ERCC6L: variants seen among roughly 807,000 people sequenced by gnomAD.
ERCC6L encodes the protein ERCC excision repair 6 like, spindle assembly checkpoint helicase.
Under a neutral mutation model 20.1 loss-of-function variants are expected in ERCC6L, and 7 were observed. The observed-to-expected ratio is 0.35, with a 90% CI of 0.20 to 0.65. The LOEUF is 0.65. Ranked by LOEUF, ERCC6L falls within the 30% of genes least tolerant of loss-of-function variation. The probability of loss-of-function intolerance (pLI) is 0.69; values close to 1 mark genes in which losing one functional copy is unlikely to be tolerated. For missense variants in ERCC6L, 592 were observed against 892.4 expected, an observed-to-expected ratio of 0.66 and a Z score of 4.29; for synonymous variants, 278 against 331.3, an observed-to-expected ratio of 0.84 and a Z score of 1.75.
At chrX:72,231,236 T>C (rs1301215351) in intron 1 of ERCC6L, among the ~76,000 whole-genome samples, 1 of 112,171 alleles carries the variant, frequency 8.9e-6, no homozygotes, top group Non-Finnish European at 1.9e-5. Context: ...GAAAAATTAT[T>C]CAGCCGTTAA....
intron 1 of ERCC6L, 119 bp from the exon 2 acceptor site, chrX:72,208,817 A>G (rs1035050325): frequency 2.2e-4 from 125 of 579,902 alleles, no homozygotes; most frequent in Non-Finnish European, 3.3e-4. Context: ...TCAATTCAGG[A>G]TGGGAAAGAT....
chrX:72,233,178 C>T (rs1222052034), intron 1 of ERCC6L, among the ~76,000 whole-genome samples: 1 of 111,505 alleles, frequency 9.0e-6, no homozygotes, highest in African/African-American at 3.3e-5. Flanking sequence ...TGATATGACA[C>T]AATATAGCTA....
intron 1 of ERCC6L, among the ~76,000 whole-genome samples, chrX:72,223,939 G>A (rs1036072910): frequency 9.0e-6 from 1 of 110,918 alleles, no homozygotes; most frequent in African/African-American, 3.3e-5. Context: ...TGGGGACACT[G>A]GAAAATGGAC....
At chrX:72,222,595 C>CTTT (rs758259884) in intron 1 of ERCC6L, among the ~76,000 whole-genome samples, 2 of 85,054 alleles carry the variant, frequency 2.4e-5, no homozygotes, top group African/African-American at 4.6e-5. Context: ...AGAATCCAGC[C>CTTT]TTTTTTTTTT....
chrX:72,214,681 A>C (rs1383979902), intron 1 of ERCC6L, among the ~76,000 whole-genome samples: 2 of 100,382 alleles, frequency 2.0e-5, no homozygotes, highest in Admixed American at 2.2e-4. Flanking sequence ...TCAAAAAAAA[A>C]AAAAAAAACA....
intron 1 of ERCC6L, among the ~76,000 whole-genome samples, chrX:72,232,950 A>C (rs1029687193): frequency 2.3e-4 from 26 of 110,749 alleles, no homozygotes; most frequent in African/African-American, 8.2e-4. Flanking sequence ...AAAAAAAAAA[A>C]CTGATTTGAG....
At chrX:72,221,891 C>T (rs749775297) in intron 1 of ERCC6L, among the ~76,000 whole-genome samples, 7 of 109,984 alleles carry the variant, frequency 6.4e-5, no homozygotes, top group South Asian at 3.9e-4. Flanking sequence ...GATCCCTTCC[C>T]GCGAAAACCC....
Position 72,208,086 on chromosome X carries a change from G to A in ERCC6L, c.681C>T (p.Leu227=). ...GQEFVWDYVI[L]DEAHKIKTSS... ...AGGTTTTTATTTTATGTGCTTCATC[G>A]AGGATGACATAGTCCCACACAAACT... The change falls in exon 2 of 2, where the codon CTC becomes CTT. Residue 227 remains leucine, a synonymous_variant. Coordinates refer to ENST00000334463, the MANE Select transcript of ERCC6L (RefSeq NM_017669.4). 2 of 1,211,412 alleles carry A rather than the reference G, an allele frequency of 1.7e-6. No homozygotes were observed. The highest frequency in any genetic ancestry group is 2.2e-6 in the Non-Finnish European group (2 of 895,429).
Position 72,216,334 on chromosome X carries a change from A to C in ERCC6L, c.69-7636T>G, listed in dbSNP as rs73550765. On this transcript the variant is annotated intron_variant, in intron 1 of 1. Coordinates refer to ENST00000334463, the MANE Select transcript of ERCC6L (RefSeq NM_017669.4). The stretch of plus-strand genomic sequence containing the variant: ...AGAGGCTTGGAACAGATTATTTCTC[A>C]GTCTCCAAAAAGAAACCAACCCTGC... Among the ~76,000 whole-genome samples the C allele has an allele frequency of 2.7e-3, 296 of 111,696 alleles. 1 individual carries two copies. The highest frequency in any genetic ancestry group is 9.2e-3 in the African/African-American group (282 of 30,746).
chrX:72,229,920 C>T (rs1031112000), intron 1 of ERCC6L, among the ~76,000 whole-genome samples: 2 of 111,665 alleles, frequency 1.8e-5, no homozygotes, highest in Non-Finnish European at 3.8e-5. Flanking sequence ...TGGCCAGGCA[C>T]GGTGGCTCAC....
chrX:72,215,616 A>G (rs2042883439), intron 1 of ERCC6L, among the ~76,000 whole-genome samples: 1 of 111,638 alleles, frequency 9.0e-6, no homozygotes, highest in Admixed American at 9.6e-5. Context: ...TGCTTTGCCA[A>G]TAGACTGCTG....
At chrX:72,228,680 G>T (rs761900283) in intron 1 of ERCC6L, among the ~76,000 whole-genome samples, 1 of 111,045 alleles carries the variant, frequency 9.0e-6, no homozygotes, top group South Asian at 3.9e-4. Context: ...CTGTTCTATG[G>T]GACCTATGGC....
rs764742655 is a variant in ERCC6L, at chrX:72,205,618, A to T, written c.3149T>A (p.Leu1050His). 8 of 1,210,247 alleles carry T rather than the reference A, an allele frequency of 6.6e-6. No individual in the cohort carries two copies. Among genetic ancestry groups the T allele is most frequent in the Non-Finnish European group, 8.9e-6 (8 of 895,031 alleles). Residue 1050 changes from leucine (L) to histidine (H), a missense_variant, in exon 2 of 2, where the codon CTC becomes CAC. This residue lies in a region of ERCC6L where 352 missense variants were observed against 402.6 expected (regional missense o/e 0.87). Coordinates refer to ENST00000334463, the MANE Select transcript of ERCC6L (RefSeq NM_017669.4). The part of the protein sequence containing the change: ...TSSINPFNTS[L>H]FQFSSVKQFD... ...TTGTTTCACAGATGAGAATTGAAAG[A>T]GAGATGTGTTGAATGGATTTATGCT...
intron 1 of ERCC6L, among the ~76,000 whole-genome samples, chrX:72,228,687 T>C (rs1312149483): frequency 9.0e-6 from 1 of 111,574 alleles, no homozygotes; most frequent in African/African-American, 3.3e-5. Flanking sequence ...ATGGGACCTA[T>C]GGCTTCAAGG....
At chrX:72,237,325 T>G (rs1010626284) in intron 1 of ERCC6L, among the ~76,000 whole-genome samples, 1 of 111,259 alleles carries the variant, frequency 9.0e-6, no homozygotes, top group Non-Finnish European at 1.9e-5. Context: ...GGCGAGACCC[T>G]GTCTCTACTA....
chrX:72,205,906 T>A lies in ERCC6L; in HGVS notation c.2861A>T (p.Asn954Ile). The change falls in exon 2 of 2, where the codon AAT becomes ATT. Residue 954 changes from asparagine (N) to isoleucine (I), a missense_variant. Physicochemically the swap from Asn to Ile is moderately radical, Grantham distance 149. Around this residue, in one of 3 missense-constraint regions of ERCC6L, gnomAD observed 352 missense variants for 402.6 expected, o/e 0.87. Transcript: ENST00000334463. ...GTCTGCTGAGTCTTCCAAGAAAAGA[T>A]TGAAATCACATGCATACTGTGGTGA... ...ASSPQYACDF[N>I]LFLEDSADNR... The A allele has an allele frequency of 8.3e-7, 1 of 1,211,331 alleles. No individual in the cohort carries two copies. The highest frequency in any genetic ancestry group is 1.1e-6 in the Non-Finnish European group (1 of 895,227).
intron 1 of ERCC6L, among the ~76,000 whole-genome samples, chrX:72,233,414 G>C (rs2042996946): frequency 9.0e-6 from 1 of 111,517 alleles, no homozygotes; most frequent in Admixed American, 9.6e-5. Flanking sequence ...ACCTTCTTTG[G>C]ATCCTGATAA....
chrX:72,227,633 C>A (rs2042960977), intron 1 of ERCC6L, among the ~76,000 whole-genome samples: 1 of 111,219 alleles, frequency 9.0e-6, no homozygotes, highest in African/African-American at 3.3e-5. Context: ...CTGACAAATA[C>A]CTGCCACAAC....
chrX:72,224,046 G>A (rs761117155), intron 1 of ERCC6L, among the ~76,000 whole-genome samples: 5 of 111,256 alleles, frequency 4.5e-5, no homozygotes, highest in East Asian at 2.8e-4. Flanking sequence ...TACTGACAAC[G>A]GAAGACTGAG....
Sources: allele counts gnomAD v4.1 joint callset (sites outside exome capture counted in the v4.1 genomes callset), GRCh38; gene constraint gnomAD v4.1.1; regional missense constraint gnomAD v4.1.1; transcripts MANE v1.5; gene names NCBI Gene and HGNC (gene_info 2026-07-23, HGNC 2026-07-21).